Variants in DENND1A observed in about 807,000 individuals in gnomAD.
The protein encoded by DENND1A is DENN domain containing 1A.
Under a neutral mutation model 113.7 loss-of-function variants are expected in DENND1A, and 51 were observed. That is an observed-to-expected ratio of 0.45 (90% CI 0.36 to 0.57). DENND1A has a LOEUF of 0.57. Among genes scored for constraint, DENND1A ranks in the 20% least tolerant of loss-of-function variants. The pLI is 0.00. For synonymous variants in DENND1A, 565 were observed against 570.8 expected, an observed-to-expected ratio of 0.99 and a Z score of 0.14; for missense variants, 1,258 against 1,395.9, an observed-to-expected ratio of 0.90 and a Z score of 1.57.
chr9:123,473,148 C>G (rs2049590351), intron 13 of DENND1A, among the ~76,000 whole-genome samples: 1 of 152,138 alleles, frequency 6.6e-6, no homozygotes, highest in South Asian at 2.1e-4. Context: ...ATGCCTGGGT[C>G]AGAGCAAGCG....
At chr9:123,531,753 T>C (rs1274099249) in intron 13 of DENND1A, among the ~76,000 whole-genome samples, 1 of 152,128 alleles carries the variant, frequency 6.6e-6, no homozygotes, top group Non-Finnish European at 1.5e-5. Flanking sequence ...AGTGACATGC[T>C]AGAAATAAGA....
intron 13 of DENND1A, among the ~76,000 whole-genome samples, chr9:123,482,383 C>A (rs1346964607): frequency 1.3e-5 from 2 of 152,208 alleles, no homozygotes; most frequent in Non-Finnish European, 2.9e-5. Flanking sequence ...CAGGCGTGAA[C>A]CACCGCACCC....
intron 9 of DENND1A, among the ~76,000 whole-genome samples, chr9:123,639,454 CAAAAA>C (rs1170557545): frequency 1.3e-5 from 1 of 76,362 alleles, no homozygotes; most frequent in Admixed American, 1.6e-4. Flanking sequence ...AACCCCCTAC[CAAAAA>C]AAAAAAAAAA....
chr9:123,588,133 G>C (rs1236094798), intron 11 of DENND1A, among the ~76,000 whole-genome samples: 10 of 151,590 alleles, frequency 6.6e-5, no homozygotes, highest in Admixed American at 6.6e-4. Context: ...AAATTAGCCA[G>C]GCATGGTGGT....
intron 1 of DENND1A, among the ~76,000 whole-genome samples, chr9:123,917,102 C>A (rs574825540): frequency 6.6e-6 from 1 of 151,920 alleles, no homozygotes; most frequent in South Asian, 2.1e-4. Flanking sequence ...GAGAATCACT[C>A]GAACACAGGA....
intron 2 of DENND1A, among the ~76,000 whole-genome samples, chr9:123,826,007 G>GCTCTTTC (rs1839267989): frequency 6.6e-6 from 1 of 151,480 alleles, no homozygotes; most frequent in Admixed American, 6.6e-5. Context: ...TTGGATACCT[G>GCTCTTTC]AGTGAGAGTC....
intron 13 of DENND1A, among the ~76,000 whole-genome samples, chr9:123,485,123 G>A (rs576706570): frequency 3.9e-5 from 6 of 152,218 alleles, no homozygotes; most frequent in Non-Finnish European, 8.8e-5. Flanking sequence ...GATCCCCAGT[G>A]TTGGGGGAGC....
rs2131671365 is a variant in DENND1A at position 123,417,210 on chromosome 9, C to T, written c.1489-5381G>A. Among the ~76,000 whole-genome samples, 4 of 152,312 alleles carry T rather than the reference C, an allele frequency of 2.6e-5. No individual in the cohort carries two copies. In the South Asian group the frequency reaches 8.3e-4, roughly 32 times the overall value. On this transcript the variant is annotated intron_variant, in intron 19 of 23. Coordinates refer to ENST00000394215, the MANE Select transcript of DENND1A (RefSeq NM_001352964.2). ...TGATATCCTGAAGATGAAATGGGAC[C>T]ACTCCATCTTCCATCTCCCCATGGT...
chr9:123,730,911 G>A (rs1256737044), intron 5 of DENND1A, among the ~76,000 whole-genome samples: 2 of 152,104 alleles, frequency 1.3e-5, no homozygotes, highest in East Asian at 3.8e-4. Context: ...AAACACCATG[G>A]AATACTATGC....
intron 2 of DENND1A, among the ~76,000 whole-genome samples, chr9:123,863,905 A>G (rs2133325705): frequency 6.6e-6 from 1 of 152,226 alleles, no homozygotes; most frequent in East Asian, 1.9e-4. Flanking sequence ...GAAAAGTTTT[A>G]AATTAAATAT....
chr9:123,789,649 T>A (rs926586193), intron 3 of DENND1A, among the ~76,000 whole-genome samples: 1 of 152,096 alleles, frequency 6.6e-6, no homozygotes, highest in African/African-American at 2.4e-5. Flanking sequence ...GACCACAGAT[T>A]TGTAACTCTC....
chr9:123,569,046 G>A (rs1165579145), intron 12 of DENND1A, among the ~76,000 whole-genome samples: 1 of 152,218 alleles, frequency 6.6e-6, no homozygotes, highest in Non-Finnish European at 1.5e-5. Flanking sequence ...GATAGCTAGA[G>A]TAAAGAAATG....
intron 6 of DENND1A, among the ~76,000 whole-genome samples, 170 bp from the exon 7 acceptor site, chr9:123,671,541 C>T (rs1018335513): frequency 1.3e-5 from 2 of 152,108 alleles, no homozygotes; most frequent in Admixed American, 6.5e-5. Context: ...ACGTATGCCT[C>T]AAACATAAAG....
At chr9:123,631,943 T>G (rs577529658) in intron 9 of DENND1A, among the ~76,000 whole-genome samples, 1 of 152,358 alleles carries the variant, frequency 6.6e-6, no homozygotes, top group East Asian at 1.9e-4. Flanking sequence ...CATATTTCTT[T>G]CTGTCTTTTT....
chr9:123,886,250 T>C (rs551098242), intron 1 of DENND1A, among the ~76,000 whole-genome samples: 1 of 152,084 alleles, frequency 6.6e-6, no homozygotes, highest in South Asian at 2.1e-4. Flanking sequence ...TTAATTAGGA[T>C]CTACTTTTCC....
At chr9:123,557,742 T>G in intron 12 of DENND1A, 47 bp from the exon 13 acceptor site, 1 of 1,605,040 alleles carries the variant, frequency 6.2e-7, no homozygotes, top group African/African-American at 1.3e-5. Context: ...AGGGTCAAAG[T>G]AGGGTGGCTG....
intron 2 of DENND1A, among the ~76,000 whole-genome samples, chr9:123,853,518 G>A (rs1303334456): frequency 1.3e-5 from 2 of 151,820 alleles, no homozygotes; most frequent in Non-Finnish European, 2.9e-5. Flanking sequence ...ACAGAAATTA[G>A]CCAGGCATGG....
At chr9:123,421,818 C>T (rs1008824510) in intron 19 of DENND1A, among the ~76,000 whole-genome samples, 2 of 152,232 alleles carry the variant, frequency 1.3e-5, no homozygotes, top group Non-Finnish European at 2.9e-5. Context: ...GCTTTCCCTG[C>T]CACTGGCAGC....
At chr9:123,514,891 C>T (rs1020842973) in intron 13 of DENND1A, among the ~76,000 whole-genome samples, 3 of 152,122 alleles carry the variant, frequency 2.0e-5, no homozygotes, top group Non-Finnish European at 2.9e-5. Flanking sequence ...CTAAAAGGAA[C>T]CAGGACTCAC....
Sources: allele counts gnomAD v4.1 joint callset (sites outside exome capture counted in the v4.1 genomes callset), GRCh38; gene constraint gnomAD v4.1.1; transcripts MANE v1.5; gene names NCBI Gene and HGNC (gene_info 2026-07-23, HGNC 2026-07-21).